The following SHANK2 variants were observed in gnomAD, a reference collection of about 807,000 sequenced individuals.
SHANK2 encodes the protein SH3 and multiple ankyrin repeat domains protein 2.
A neutral mutation model predicts 133.7 loss-of-function variants in SHANK2; 43 were observed. The observed-to-expected ratio is 0.32, with a 90% CI of 0.25 to 0.41. The LOEUF (loss-of-function observed/expected upper bound fraction) is 0.41, where lower values mean the gene tolerates loss of function less well. Among genes scored for constraint, SHANK2 ranks in the 10% least tolerant of loss-of-function variants. The pLI is 1.00. For synonymous variants in SHANK2, 1,017 were observed against 952.8 expected, an observed-to-expected ratio of 1.07 and a Z score of -1.24; for missense variants, 1,994 against 2,235.8, an observed-to-expected ratio of 0.89 and a Z score of 2.18.
At chr11:70,654,873 T>C (rs570646561) in intron 17 of SHANK2, among the ~76,000 whole-genome samples, 28 of 152,082 alleles carry the variant, frequency 1.8e-4, no homozygotes, top group African/African-American at 6.5e-4. Flanking sequence ...GTTCAAGCGA[T>C]TCTCCTGCCT....
intron 17 of SHANK2, among the ~76,000 whole-genome samples, chr11:70,654,757 GTTTTTGTTT>G (rs1307964688): frequency 7.7e-5 from 11 of 143,544 alleles, no homozygotes; most frequent in Non-Finnish European, 1.1e-4. Flanking sequence ...ACCTGGTTTT[GTTTTTGTTT>G]TTTTTGTTTT....
intron 17 of SHANK2, among the ~76,000 whole-genome samples, chr11:70,644,764 T>C (rs1476770393): frequency 6.6e-6 from 1 of 152,244 alleles, no homozygotes; most frequent in African/African-American, 2.4e-5. Context: ...TTTGCTGTGC[T>C]CATTTCATTG....
intron 11 of SHANK2, among the ~76,000 whole-genome samples, chr11:70,869,262 C>T (rs1280315727): frequency 1.3e-5 from 2 of 152,204 alleles, no homozygotes; most frequent in Non-Finnish European, 2.9e-5. Flanking sequence ...GTCTGTGGTG[C>T]TTTATGACGG....
At chr11:70,503,909 G>A (rs2059098281) in intron 17 of SHANK2, among the ~76,000 whole-genome samples, 1 of 152,204 alleles carries the variant, frequency 6.6e-6, no homozygotes. Flanking sequence ...GTAACACTTA[G>A]TGGTTTTCAA....
intron 15 of SHANK2, among the ~76,000 whole-genome samples, chr11:70,687,618 T>C (rs1255037303): frequency 8.3e-6 from 1 of 120,354 alleles, no homozygotes; most frequent in Non-Finnish European, 1.8e-5. Context: ...GGGGGCGGTG[T>C]GGAGGCAGAG....
At chr11:70,783,818 G>T (rs1555045782) in intron 14 of SHANK2, among the ~76,000 whole-genome samples, 2 of 152,168 alleles carry the variant, frequency 1.3e-5, no homozygotes, top group African/African-American at 2.4e-5. Flanking sequence ...AAAAATAAAA[G>T]CATCACACAG....
At chr11:70,565,929 G>A (rs1315881852) in intron 17 of SHANK2, among the ~76,000 whole-genome samples, 3 of 151,840 alleles carry the variant, frequency 2.0e-5, no homozygotes, top group East Asian at 1.9e-4. Context: ...CTGTTTTCAC[G>A]CTGCCGATAA....
chr11:71,124,651 G>T (rs1264116061), intron 3 of SHANK2, among the ~76,000 whole-genome samples: 2 of 152,080 alleles, frequency 1.3e-5, no homozygotes, highest in African/African-American at 4.8e-5. Flanking sequence ...GTAGAGGTTT[G>T]GTTTAAACCC....
At position 70,756,149 on chromosome 11, in the gene SHANK2, C is replaced by T. The variant is rs564185466; in HGVS notation, c.1777+42294G>A. 8.5e-5 allele frequency among the ~76,000 whole-genome samples: 13 copies of T among 152,270 alleles called. No individual in the cohort carries two copies. The East Asian group carries it at 2.3e-3, about 27-fold the overall frequency. On this transcript the variant is annotated intron_variant, in intron 14 of 25. Transcript: ENST00000601538. ...AGGTGCAGGAGACATCCCCAGCTCCCCCAGAGGCAGGTTCCCAGAGCGAGG... is the reference window on the plus strand; with the variant it reads ...AGGTGCAGGAGACATCCCCAGCTCCTCCAGAGGCAGGTTCCCAGAGCGAGG...
At chr11:71,113,432 C>G in intron 4 of SHANK2, 68 bp from the exon 5 acceptor site, 1 of 1,422,958 alleles carries the variant, frequency 7.0e-7, no homozygotes, top group South Asian at 1.2e-5. Context: ...AGAGGGAAAA[C>G]GGGCCTTTTC....
chr11:70,725,178 C>T (rs150196719), intron 14 of SHANK2, among the ~76,000 whole-genome samples: 1 of 152,288 alleles, frequency 6.6e-6, no homozygotes, highest in East Asian at 1.9e-4. Context: ...AAGCACCGTA[C>T]AGTGTACTAA....
intron 3 of SHANK2, among the ~76,000 whole-genome samples, chr11:71,143,201 C>T (rs782544231): frequency 4.6e-5 from 7 of 152,176 alleles, no homozygotes; most frequent in Non-Finnish European, 8.8e-5. Context: ...CGCCACTGCA[C>T]ACCAGCCTGG....
At chr11:70,686,638 G>A (rs1555019700) in intron 15 of SHANK2, among the ~76,000 whole-genome samples, 1 of 152,212 alleles carries the variant, frequency 6.6e-6, no homozygotes, top group African/African-American at 2.4e-5. Flanking sequence ...ATCTGGAGGA[G>A]ACACAGGTGT....
intron 9 of SHANK2, among the ~76,000 whole-genome samples, chr11:71,071,541 C>T (rs1420820551): frequency 1.3e-5 from 2 of 152,208 alleles, no homozygotes; most frequent in Admixed American, 6.5e-5. Flanking sequence ...GGACATTTTG[C>T]CCTGGCTATG....
chr11:71,063,627 T>A (rs1951013608), intron 9 of SHANK2, among the ~76,000 whole-genome samples: 1 of 152,208 alleles, frequency 6.6e-6, no homozygotes, highest in African/African-American at 2.4e-5. Flanking sequence ...ATCCAGGAGG[T>A]GCTGGTGGGA....
intron 14 of SHANK2, among the ~76,000 whole-genome samples, chr11:70,709,056 CACAA>C (rs1283313269): frequency 1.3e-5 from 2 of 152,134 alleles, no homozygotes; most frequent in African/African-American, 4.8e-5. Flanking sequence ...ACAAAAAATA[CACAA>C]ATTAGCTGGG....
intron 11 of SHANK2, among the ~76,000 whole-genome samples, chr11:70,871,118 AG>A (rs1186656235): frequency 6.6e-6 from 1 of 152,198 alleles, no homozygotes; most frequent in Non-Finnish European, 1.5e-5. Context: ...CTACTGGATT[AG>A]GGCCCAATCT....
chr11:71,150,404 GAC>G (rs1274460126), intron 2 of SHANK2, among the ~76,000 whole-genome samples: 1 of 126,888 alleles, frequency 7.9e-6, no homozygotes, highest in Non-Finnish European at 1.7e-5. Context: ...GACAGGGAGG[GAC>G]AGGGAGGGAG....
At chr11:71,161,853 C>T (rs1555109968) in intron 2 of SHANK2, among the ~76,000 whole-genome samples, 1 of 152,220 alleles carries the variant, frequency 6.6e-6, no homozygotes, top group Admixed American at 6.5e-5. Context: ...ACATTTGGCT[C>T]AGAATAAACC....
Sources: allele counts gnomAD v4.1 joint callset (sites outside exome capture counted in the v4.1 genomes callset), GRCh38; gene constraint gnomAD v4.1.1; transcripts MANE v1.5; gene names NCBI Gene and HGNC (gene_info 2026-07-23, HGNC 2026-07-21).